TCF12: variants seen among roughly 807,000 people sequenced by gnomAD.
The protein encoded by TCF12 is DNA-binding protein HTF4.
In TCF12, 45 loss-of-function variants were observed where a neutral mutation model predicts 86.0. That is an observed-to-expected ratio of 0.52 (90% CI 0.41 to 0.67). The LOEUF is 0.67. Among genes scored for constraint, TCF12 ranks in the 30% least tolerant of loss-of-function variants. TCF12 has a pLI of 0.00. For synonymous variants in TCF12, 330 were observed against 299.6 expected, an observed-to-expected ratio of 1.10 and a Z score of -1.05; for missense variants, 881 against 859.9, an observed-to-expected ratio of 1.02 and a Z score of -0.31.
intron 3 of TCF12, among the ~76,000 whole-genome samples, chr15:56,936,136 G>T (rs541059295): frequency 3.3e-5 from 5 of 151,768 alleles, no homozygotes; most frequent in Non-Finnish European, 7.4e-5. Context: ...CATTTTTACC[G>T]CATCTATTAT....
chr15:56,935,653 A>G (rs531339850), intron 3 of TCF12, among the ~76,000 whole-genome samples: 2 of 152,230 alleles, frequency 1.3e-5, no homozygotes, highest in African/African-American at 4.8e-5. Context: ...TGAGTCCCCA[A>G]AGTCCAAGGT....
intron 4 of TCF12, among the ~76,000 whole-genome samples, chr15:57,067,409 G>A (rs1443815870): frequency 6.6e-6 from 1 of 151,290 alleles, no homozygotes. Flanking sequence ...GCGTAGTGGT[G>A]GGCGCCTGTA....
intron 5 of TCF12, among the ~76,000 whole-genome samples, chr15:57,100,395 A>C (rs886755067): frequency 1.3e-5 from 2 of 148,712 alleles, no homozygotes; most frequent in Admixed American, 6.7e-5. Flanking sequence ...CTTGCCTCCT[A>C]TGTGGTAACA....
intron 3 of TCF12, among the ~76,000 whole-genome samples, chr15:56,994,503 A>C (rs2063603321): frequency 6.6e-6 from 1 of 152,148 alleles, no homozygotes; most frequent in African/African-American, 2.4e-5. Context: ...AAATCCAAAT[A>C]AATTTATGCC....
chr15:56,998,775 A>G (rs1440456072), intron 3 of TCF12, among the ~76,000 whole-genome samples: 1 of 152,224 alleles, frequency 6.6e-6, no homozygotes, highest in Non-Finnish European at 1.5e-5. Flanking sequence ...GACAGACTGT[A>G]TCTCGGTCTT....
At position 57,059,060 on chromosome 15, in the gene TCF12, C is replaced by G. The variant is rs147142445; in HGVS notation, c.149-4690C>G. 5.1e-3 allele frequency among the ~76,000 whole-genome samples: 771 copies of G among 152,270 alleles called. 6 individuals carry two copies. Among genetic ancestry groups the G allele is most frequent in the African/African-American group, 0.018 (746 of 41,554 alleles). On this transcript the variant is annotated intron_variant, in intron 3 of 20. Transcript: ENST00000333725. ...TCTAGTCAGAATTCTTTCATCAAATCATTTATTGGATCCCCCTACAGCAGA... is the reference window on the plus strand; with the variant it reads ...TCTAGTCAGAATTCTTTCATCAAATGATTTATTGGATCCCCCTACAGCAGA...
At chr15:57,054,562 G>C (rs571380024) in intron 3 of TCF12, among the ~76,000 whole-genome samples, 1 of 152,212 alleles carries the variant, frequency 6.6e-6, no homozygotes, top group South Asian at 2.1e-4. Context: ...GGGTGTGTTC[G>C]CACTGAAAAG....
intron 16 of TCF12, among the ~76,000 whole-genome samples, chr15:57,253,760 C>T (rs1374849589): frequency 6.6e-6 from 1 of 152,174 alleles, no homozygotes; most frequent in African/African-American, 2.4e-5. Context: ...TGAAATAGTG[C>T]ATAAGAAATC....
intron 8 of TCF12, among the ~76,000 whole-genome samples, chr15:57,227,133 A>G (rs2058923708): frequency 6.6e-6 from 1 of 152,156 alleles, no homozygotes; most frequent in African/African-American, 2.4e-5. Context: ...TCTGATTTTT[A>G]AAGTATGGAT....
At chr15:57,134,756 A>AT (rs1362740039) in intron 5 of TCF12, among the ~76,000 whole-genome samples, 30 of 150,702 alleles carry the variant, frequency 2.0e-4, no homozygotes, top group East Asian at 1.4e-3. Flanking sequence ...GATGCCATTA[A>AT]TTTTTTTTTT....
intron 13 of TCF12, among the ~76,000 whole-genome samples, chr15:57,244,400 G>A (rs1489931501): frequency 2.0e-5 from 3 of 151,470 alleles, no homozygotes; most frequent in Non-Finnish European, 2.9e-5. Flanking sequence ...TTTTTCTGCC[G>A]AGGAAAAAAA....
At chr15:57,034,379 T>A (rs750637659) in intron 3 of TCF12, among the ~76,000 whole-genome samples, 1 of 152,174 alleles carries the variant, frequency 6.6e-6, no homozygotes, top group Admixed American at 6.5e-5. Flanking sequence ...TTGCCCTTTA[T>A]TTAGTCGAGT....
chr15:57,077,070 G>T (rs1265103024), intron 4 of TCF12, among the ~76,000 whole-genome samples: 1 of 152,046 alleles, frequency 6.6e-6, no homozygotes, highest in African/African-American at 2.4e-5. Flanking sequence ...GTAAATCTTG[G>T]TATCAGGTAG....
chr15:57,034,516 G>A (rs139492624), intron 3 of TCF12, among the ~76,000 whole-genome samples: 1 of 152,056 alleles, frequency 6.6e-6, no homozygotes, highest in African/African-American at 2.4e-5. Flanking sequence ...TGTGTCTTAT[G>A]GTTGTGAACA....
chr15:57,075,491 A>G (rs1161682865), intron 4 of TCF12, among the ~76,000 whole-genome samples: 1 of 152,174 alleles, frequency 6.6e-6, no homozygotes, highest in Admixed American at 6.5e-5. Flanking sequence ...TATATTTCAT[A>G]AAGGGAGTCC....
chr15:57,237,135 AAG>A (rs879689203), intron 12 of TCF12, among the ~76,000 whole-genome samples: 8,712 of 149,790 alleles, frequency 0.058, 484 homozygotes, highest in Admixed American at 0.17. Context: ...GCAAGGGAAA[AAG>A]AGAGAGAGAG....
intron 8 of TCF12, among the ~76,000 whole-genome samples, chr15:57,203,744 C>G (rs767782107): frequency 6.6e-6 from 1 of 152,010 alleles, no homozygotes; most frequent in Non-Finnish European, 1.5e-5. Context: ...TGTAATTTAC[C>G]CCATCAAGAA....
chr15:57,247,048 C>A, intron 13 of TCF12: 1 of 557,186 alleles, frequency 1.8e-6, no homozygotes, highest in South Asian at 1.4e-5. Context: ...TTCATGGGTT[C>A]ATAGTTTGAT....
intron 17 of TCF12, 29 bp from the exon 18 acceptor site, chr15:57,263,083 A>AT: frequency 6.3e-7 from 1 of 1,578,422 alleles, no homozygotes. Flanking sequence ...CTCGTCTTTT[A>AT]TTTTATCTTT....
Sources: gnomAD v4.1 joint callset for allele counts (sites outside exome capture counted in the v4.1 genomes callset) on GRCh38, gnomAD v4.1.1 for gene constraint, MANE v1.5 for transcripts, NCBI Gene and HGNC (gene_info 2026-07-23, HGNC 2026-07-21) for gene names.